ROBO2: variants seen among roughly 807,000 people sequenced by gnomAD.
ROBO2 encodes the protein roundabout guidance receptor 2.
Under a neutral mutation model 160.8 loss-of-function variants are expected in ROBO2, and 53 were observed. The observed-to-expected ratio is 0.33, with a 90% confidence interval of 0.26 to 0.41. ROBO2 has a LOEUF of 0.41. Among genes scored for constraint, ROBO2 ranks in the 10% least tolerant of loss-of-function variants. The probability of loss-of-function intolerance (pLI) is 1.00; values close to 1 mark genes in which losing one functional copy is unlikely to be tolerated. For missense variants in ROBO2, 1,577 were observed against 1,722.4 expected (o/e 0.92, Z 1.49); for synonymous variants, 664 against 611.7 (o/e 1.09, Z -1.26).
chr3:77,088,208 G>A (rs1434132896), intron 1 of ROBO2, among the ~76,000 whole-genome samples: 2 of 152,126 alleles, frequency 1.3e-5, no homozygotes, highest in East Asian at 3.8e-4. Context: ...TCTGTTAATG[G>A]TAGATAAGTA....
intron 2 of ROBO2, among the ~76,000 whole-genome samples, chr3:77,221,474 AG>A (rs2085783227): frequency 6.6e-6 from 1 of 152,202 alleles, no homozygotes; most frequent in African/African-American, 2.4e-5. Flanking sequence ...ATTGGGATTC[AG>A]GCTCAATCCA....
chr3:76,798,129 GAAAGAAGAAAGAGAAAGAA>G (rs1331690366), intron 2 of ROBO2, among the ~76,000 whole-genome samples: 2 of 82,104 alleles, frequency 2.4e-5, no homozygotes, highest in Admixed American at 1.6e-4. Context: ...AAAGAAGAAA[GAAAGAAGAAAGAGAAAGAA>G]AGAAAGAAAG....
At chr3:76,459,289 C>T (rs765422019) in intron 2 of ROBO2, among the ~76,000 whole-genome samples, 4 of 150,144 alleles carry the variant, frequency 2.7e-5, no homozygotes, top group South Asian at 2.1e-4. Context: ...ACATATATAG[C>T]GAGAGAGAGA....
intron 2 of ROBO2, among the ~76,000 whole-genome samples, chr3:76,600,146 A>G (rs2108930771): frequency 6.6e-6 from 1 of 152,318 alleles, no homozygotes; most frequent in Non-Finnish European, 1.5e-5. Context: ...GGTATTGCCT[A>G]GATTGCCTTC....
intron 2 of ROBO2, among the ~76,000 whole-genome samples, chr3:76,420,084 ATTATT>A (rs1188626840): frequency 6.6e-6 from 1 of 152,136 alleles, no homozygotes; most frequent in African/African-American, 2.4e-5. Flanking sequence ...TGAAGCTCTC[ATTATT>A]TTATTTGGAG....
chr3:76,759,757 T>A (rs1294950504), intron 2 of ROBO2, among the ~76,000 whole-genome samples: 1 of 151,802 alleles, frequency 6.6e-6, no homozygotes, highest in Non-Finnish European at 1.5e-5. Flanking sequence ...TTCTAGTTGA[T>A]CTTTGTGGTA....
chr3:75,971,581 G>A (rs2064995383), intron 2 of ROBO2, among the ~76,000 whole-genome samples: 2 of 151,264 alleles, frequency 1.3e-5, no homozygotes, highest in Admixed American at 6.6e-5. Flanking sequence ...AAATTTTGTG[G>A]TAGCATATAA....
chr3:77,406,924 T>C (rs931549097), intron 2 of ROBO2, among the ~76,000 whole-genome samples: 6 of 152,320 alleles, frequency 3.9e-5, no homozygotes, highest in Admixed American at 3.9e-4. Context: ...CATTTCGAGT[T>C]CAGGTTGCAC....
intron 2 of ROBO2, among the ~76,000 whole-genome samples, chr3:76,338,541 T>C (rs1355362945): frequency 6.6e-6 from 1 of 151,652 alleles, no homozygotes; most frequent in Non-Finnish European, 1.5e-5. Context: ...GACATAGTGG[T>C]GCATGCCTGT....
intron 2 of ROBO2, among the ~76,000 whole-genome samples, chr3:77,028,834 T>G (rs528726030): frequency 2.0e-5 from 3 of 152,358 alleles, no homozygotes; most frequent in African/African-American, 7.2e-5. Context: ...AGCTGAATAT[T>G]TGTGACATAT....
intron 2 of ROBO2, among the ~76,000 whole-genome samples, chr3:76,779,289 T>C (rs981137567): frequency 4.0e-5 from 6 of 151,026 alleles, no homozygotes; most frequent in Admixed American, 2.0e-4. Flanking sequence ...GCCAAAAATA[T>C]ACCCGTCACC....
At chr3:76,891,338 T>A (rs1033880720) in intron 2 of ROBO2, among the ~76,000 whole-genome samples, 1 of 152,178 alleles carries the variant, frequency 6.6e-6, no homozygotes. Flanking sequence ...TCCTAAGCTG[T>A]TGAACAATTT....
chr3:77,396,800 A>G (rs1044776978), intron 2 of ROBO2, among the ~76,000 whole-genome samples: 1 of 152,102 alleles, frequency 6.6e-6, no homozygotes, highest in Non-Finnish European at 1.5e-5. Flanking sequence ...ATTTTATATC[A>G]TTAGGTAAAC....
At chr3:76,362,480 G>A (rs2075577898) in intron 2 of ROBO2, among the ~76,000 whole-genome samples, 1 of 151,976 alleles carries the variant, frequency 6.6e-6, no homozygotes, top group Admixed American at 6.6e-5. Flanking sequence ...AAGTCCTAAG[G>A]CCTAGTAATC....
At chr3:76,660,363 A>G (rs1025664464) in intron 2 of ROBO2, among the ~76,000 whole-genome samples, 4 of 152,176 alleles carry the variant, frequency 2.6e-5, no homozygotes, top group African/African-American at 9.7e-5. Context: ...GCAACAGTGA[A>G]TTGAAAGATT....
chr3:77,221,993 T>C (rs2085879735), intron 2 of ROBO2, among the ~76,000 whole-genome samples: 1 of 151,148 alleles, frequency 6.6e-6, no homozygotes. Flanking sequence ...GCTGGGACTA[T>C]AGCCACCCGC....
chr3:76,371,522 G>T (rs2076100188), intron 2 of ROBO2, among the ~76,000 whole-genome samples: 1 of 151,684 alleles, frequency 6.6e-6, no homozygotes, highest in African/African-American at 2.4e-5. Context: ...TTGTATATGA[G>T]TCTTTGCACA....
intron 2 of ROBO2, among the ~76,000 whole-genome samples, chr3:76,041,488 T>C (rs2067271947): frequency 6.6e-6 from 1 of 152,078 alleles, no homozygotes; most frequent in African/African-American, 2.4e-5. Context: ...CCTACATTGG[T>C]CCTTTGTCTG....
intron 2 of ROBO2, among the ~76,000 whole-genome samples, chr3:76,726,657 G>A (rs1040977298): frequency 4.6e-5 from 7 of 152,088 alleles, no homozygotes; most frequent in African/African-American, 1.7e-4. Flanking sequence ...TCTGAAAATT[G>A]ACCTATTTCT....
Sources: gnomAD v4.1 joint callset for allele counts (sites outside exome capture counted in the v4.1 genomes callset) on GRCh38, gnomAD v4.1.1 for gene constraint, MANE v1.5 for transcripts, NCBI Gene and HGNC (gene_info 2026-07-23, HGNC 2026-07-21) for gene names.